Variants in MTMR8 observed in about 807,000 individuals in gnomAD.
MTMR8 encodes the protein myotubularin related protein 8.
In MTMR8, 65 loss-of-function variants were observed where a neutral mutation model predicts 39.3. That is an observed-to-expected ratio of 1.65 (90% CI 1.35 to 2.03). The LOEUF (loss-of-function observed/expected upper bound fraction) is 2.03, where lower values mean the gene tolerates loss of function less well. MTMR8 is among the 30% of genes most tolerant of loss of function. The pLI, the probability that MTMR8 is intolerant of heterozygous loss-of-function variation, is 0.00. For missense variants in MTMR8, 777 were observed against 538.9 expected (o/e 1.44, Z -4.37); for synonymous variants, 245 against 185.2 (o/e 1.32, Z -2.62).
chrX:64,319,802 T>C (rs1201048529), intron 12 of MTMR8, among the ~76,000 whole-genome samples: 1 of 111,564 alleles, frequency 9.0e-6, no homozygotes, highest in African/African-American at 3.3e-5. Context: ...TTTTGGTTAC[T>C]GTAGCCTTGT....
chrX:64,304,657 T>A (rs1922018685), intron 12 of MTMR8, among the ~76,000 whole-genome samples: 1 of 107,843 alleles, frequency 9.3e-6, no homozygotes, highest in African/African-American at 3.3e-5. Context: ...ATCTGTGACC[T>A]GTAGCCCTTT....
intron 12 of MTMR8, among the ~76,000 whole-genome samples, chrX:64,304,850 G>A: frequency 1.6e-5 from 1 of 62,344 alleles, no homozygotes; most frequent in Non-Finnish European, 3.1e-5. Flanking sequence ...AAGCTTGATG[G>A]ATCAAACATT....
intron 10 of MTMR8, among the ~76,000 whole-genome samples, chrX:64,332,276 A>G (rs1392285056): frequency 8.9e-6 from 1 of 112,013 alleles, no homozygotes; most frequent in Non-Finnish European, 1.9e-5. Context: ...TCATCCCAGA[A>G]CTGTTTAATA....
chrX:64,326,485 A>G (rs754075808), intron 12 of MTMR8, among the ~76,000 whole-genome samples: 2 of 111,764 alleles, frequency 1.8e-5, no homozygotes, highest in Non-Finnish European at 3.8e-5. Context: ...AAGTTTAACC[A>G]AGGAGGTGAA....
At chrX:64,338,906 T>C (rs1333737218) in intron 8 of MTMR8, among the ~76,000 whole-genome samples, 2 of 111,896 alleles carry the variant, frequency 1.8e-5, no homozygotes, top group African/African-American at 6.5e-5. Flanking sequence ...ATGTGTGGTT[T>C]AGCAACCAGG....
chrX:64,300,470 C>G (rs1347833166), intron 12 of MTMR8, among the ~76,000 whole-genome samples: 1 of 110,331 alleles, frequency 9.1e-6, no homozygotes, highest in Non-Finnish European at 1.9e-5. Context: ...CTATGTGTGT[C>G]TCTGCACATG....
chrX:64,296,468 G>A (rs997161544), intron 12 of MTMR8, among the ~76,000 whole-genome samples: 6 of 109,989 alleles, frequency 5.5e-5, no homozygotes, highest in African/African-American at 2.0e-4. Flanking sequence ...TTTATGTTAT[G>A]TATATTTTAC....
At chrX:64,356,054 G>C (rs747120556) in intron 3 of MTMR8, 122 bp downstream of exon 3, 106 of 644,502 alleles carry the variant, frequency 1.6e-4, no homozygotes, top group Non-Finnish European at 2.3e-4. Context: ...AAATATAATG[G>C]AGCTAATAAG....
intron 12 of MTMR8, among the ~76,000 whole-genome samples, chrX:64,328,035 C>T (rs1160329220): frequency 9.0e-6 from 1 of 111,516 alleles, no homozygotes; most frequent in African/African-American, 3.3e-5. Context: ...AAATACTCAA[C>T]TGAAAACAGA....
At position 64,356,267 on chromosome X, in the gene MTMR8, G is replaced by A. The variant is rs755833702; in HGVS notation, c.219C>T (p.Arg73=). The change falls in exon 3 of 14, where the codon CGC becomes CGT. Residue 73 remains arginine, a synonymous_variant. Coordinates refer to ENST00000374852, the MANE Select transcript of MTMR8 (RefSeq NM_017677.4). ...AGTGGGCCACCCGGAAATTCTTGCA[G>A]CGGAGGGTCAGGGGACAACCCAGGC... is the stretch of plus-strand genomic sequence containing the variant. The part of the protein sequence containing the change: ...ITSLGCPLTL[R]CKNFRVAHFV... The A allele has an allele frequency of 3.4e-5, 41 of 1,210,161 alleles. No individual in the cohort carries two copies. The South Asian group carries it at 5.6e-4, about 17-fold the overall frequency.
intron 12 of MTMR8, among the ~76,000 whole-genome samples, chrX:64,278,845 G>T (rs898352313): frequency 9.0e-6 from 1 of 111,233 alleles, no homozygotes; most frequent in African/African-American, 3.3e-5. Flanking sequence ...AGGTGTGCTG[G>T]AGTTTGCTGG....
chrX:64,333,516 C>T (rs5964764), intron 10 of MTMR8, among the ~76,000 whole-genome samples: 14,173 of 111,470 alleles, frequency 0.13, 2,121 homozygotes, highest in African/African-American at 0.43. Context: ...GCCCAGAAGT[C>T]TTACTCTACC....
intron 12 of MTMR8, among the ~76,000 whole-genome samples, chrX:64,313,229 T>C (rs1295030306): frequency 1.8e-5 from 2 of 112,476 alleles, no homozygotes; most frequent in Admixed American, 1.9e-4. Flanking sequence ...AGTGTGGCCA[T>C]CTTCACCAAT....
At chrX:64,391,700 C>A (rs1924694595) in intron 1 of MTMR8, among the ~76,000 whole-genome samples, 1 of 112,306 alleles carries the variant, frequency 8.9e-6, no homozygotes, top group African/African-American at 3.2e-5. Context: ...GTTCTAAGCA[C>A]TTTACAGATA....
chrX:64,296,781 C>A (rs1341372333), intron 12 of MTMR8, among the ~76,000 whole-genome samples: 2 of 91,334 alleles, frequency 2.2e-5, no homozygotes, highest in African/African-American at 4.1e-5. Flanking sequence ...CTTCCTGTGT[C>A]CACGTGATCT....
chrX:64,357,769 G>A (rs1158032783), intron 2 of MTMR8, among the ~76,000 whole-genome samples: 1 of 111,640 alleles, frequency 9.0e-6, no homozygotes, highest in Non-Finnish European at 1.9e-5. Flanking sequence ...AGTTCTGGAG[G>A]CATCACAAAA....
At chrX:64,291,220 T>A (rs1921385008) in intron 12 of MTMR8, among the ~76,000 whole-genome samples, 1 of 111,253 alleles carries the variant, frequency 9.0e-6, no homozygotes. Flanking sequence ...TTGTTTTAAA[T>A]AGCCAAACTA....
chrX:64,297,325 T>C (rs1602114329), intron 12 of MTMR8, among the ~76,000 whole-genome samples: 2 of 110,333 alleles, frequency 1.8e-5, no homozygotes, highest in Middle Eastern at 9.3e-3. Flanking sequence ...ATTTCTCTGA[T>C]GGCTAGTGAT....
chrX:64,359,958 C>CA (rs199603257), intron 1 of MTMR8, among the ~76,000 whole-genome samples: 63 of 93,023 alleles, frequency 6.8e-4, no homozygotes, highest in Non-Finnish European at 1.3e-3. Flanking sequence ...AAAAACAAAA[C>CA]AAAAAAAAGG....
Sources: gnomAD v4.1 joint callset for allele counts (sites outside exome capture counted in the v4.1 genomes callset) on GRCh38, gnomAD v4.1.1 for gene constraint, MANE v1.5 for transcripts, NCBI Gene and HGNC (gene_info 2026-07-23, HGNC 2026-07-21) for gene names.